CNTN5: variants seen among roughly 807,000 people sequenced by gnomAD.
CNTN5 encodes contactin 5, also known as contactin-5.
A neutral mutation model predicts 129.1 loss-of-function variants in CNTN5; 77 were observed. The observed-to-expected ratio is 0.60, with a 90% CI of 0.50 to 0.72. The LOEUF is 0.72. Among genes scored for constraint, CNTN5 ranks in the 30% least tolerant of loss-of-function variants. The probability of loss-of-function intolerance (pLI) is 0.00; values close to 1 mark genes in which losing one functional copy is unlikely to be tolerated. For missense variants in CNTN5, 1,478 were observed against 1,328.8 expected (o/e 1.11, Z -1.75); for synonymous variants, 509 against 465.6 (o/e 1.09, Z -1.20).
chr11:100,268,121 C>A (rs539460410), intron 17 of CNTN5, among the ~76,000 whole-genome samples: 1 of 152,028 alleles, frequency 6.6e-6, no homozygotes, highest in African/African-American at 2.4e-5. Context: ...CATGGAGAAG[C>A]CTGAGAAACC....
intron 2 of CNTN5, among the ~76,000 whole-genome samples, chr11:99,434,153 A>T (rs1434224275): frequency 6.6e-6 from 1 of 152,182 alleles, no homozygotes; most frequent in African/African-American, 2.4e-5. Context: ...TCATTAAAGA[A>T]AGAAGCAAGA....
At chr11:99,467,351 A>G (rs1018009573) in intron 2 of CNTN5, among the ~76,000 whole-genome samples, 24 of 152,102 alleles carry the variant, frequency 1.6e-4, no homozygotes, top group Non-Finnish European at 2.8e-4. Flanking sequence ...ACTTTCATTC[A>G]TTTGGAATTT....
At chr11:99,553,892 T>C (rs1037635963) in intron 2 of CNTN5, among the ~76,000 whole-genome samples, 1 of 151,830 alleles carries the variant, frequency 6.6e-6, no homozygotes, top group East Asian at 1.9e-4. Context: ...TTAAGAAATA[T>C]TATGTTGTGT....
At position 99,750,485 on chromosome 11, in the gene CNTN5, A is replaced by C. The variant is rs527555074; in HGVS notation, c.56-69059A>C. ...ATGAATTCCAGGAATAATGTGTTTA[A>C]AGTTTAAGAAATTTGAATATGTTCC... On this transcript the variant is annotated intron_variant, in intron 3 of 24. Transcript: ENST00000524871. Among the ~76,000 whole-genome samples, 6 of 152,168 alleles carry C rather than the reference A, an allele frequency of 3.9e-5. No individual in the cohort carries two copies. In the South Asian group the frequency reaches 1.2e-3, roughly 32 times the overall value.
intron 2 of CNTN5, among the ~76,000 whole-genome samples, chr11:99,440,848 G>C (rs1488065138): frequency 6.6e-6 from 1 of 152,108 alleles, no homozygotes; most frequent in Admixed American, 6.5e-5. Flanking sequence ...TAAATTGCAA[G>C]GGAAGCTGGG....
chr11:99,343,940 C>A (rs1350973589), intron 2 of CNTN5, among the ~76,000 whole-genome samples: 1 of 152,138 alleles, frequency 6.6e-6, no homozygotes, highest in Non-Finnish European at 1.5e-5. Flanking sequence ...CATAAAATGT[C>A]ATTTCAAGAA....
chr11:99,662,040 A>G (rs560905893), intron 3 of CNTN5, among the ~76,000 whole-genome samples: 1 of 152,296 alleles, frequency 6.6e-6, no homozygotes, highest in South Asian at 2.1e-4. Flanking sequence ...ACAAGTCTAT[A>G]GGAATTATCC....
intron 6 of CNTN5, among the ~76,000 whole-genome samples, chr11:99,915,833 AAAAAT>A (rs1358586133): frequency 1.3e-5 from 2 of 152,202 alleles, no homozygotes; most frequent in Admixed American, 1.3e-4. Context: ...GACTGTAAAT[AAAAAT>A]AAAGAGTGTG....
intron 13 of CNTN5, among the ~76,000 whole-genome samples, chr11:100,082,070 C>A (rs561179519): frequency 6.6e-6 from 1 of 151,984 alleles, no homozygotes; most frequent in Admixed American, 6.6e-5. Context: ...AGATGTCAAG[C>A]AAATATAAAA....
chr11:99,559,972 G>T (rs907815218), intron 3 of CNTN5, among the ~76,000 whole-genome samples: 1 of 152,092 alleles, frequency 6.6e-6, no homozygotes, highest in South Asian at 2.1e-4. Flanking sequence ...CATGCTATAT[G>T]ATTTTCTTTA....
At chr11:100,122,583 A>C (rs577728428) in intron 13 of CNTN5, among the ~76,000 whole-genome samples, 1 of 152,196 alleles carries the variant, frequency 6.6e-6, no homozygotes, top group Non-Finnish European at 1.5e-5. Context: ...CATAGATCTG[A>C]GTAAAATGAA....
intron 6 of CNTN5, among the ~76,000 whole-genome samples, chr11:99,879,150 C>T (rs1038205840): frequency 1.4e-4 from 21 of 151,930 alleles, no homozygotes; most frequent in African/African-American, 5.1e-4. Flanking sequence ...GTTGGCCGGG[C>T]TGGTCTCGAA....
intron 3 of CNTN5, among the ~76,000 whole-genome samples, chr11:99,780,433 G>A (rs1204376883): frequency 6.6e-6 from 1 of 151,886 alleles, no homozygotes; most frequent in Non-Finnish European, 1.5e-5. Context: ...ACATTATAAC[G>A]ACACTTTAAA....
At chr11:99,330,772 T>C (rs2136025103) in intron 2 of CNTN5, among the ~76,000 whole-genome samples, 1 of 152,262 alleles carries the variant, frequency 6.6e-6, no homozygotes, top group Admixed American at 6.6e-5. Flanking sequence ...CTCTCAGTCA[T>C]TTTAAGATTT....
chr11:100,233,270 T>A (rs1025283935), intron 16 of CNTN5, among the ~76,000 whole-genome samples: 8 of 151,156 alleles, frequency 5.3e-5, no homozygotes, highest in Admixed American at 1.3e-4. Context: ...AAGAGAGAGG[T>A]AGGGAAAGAG....
intron 7 of CNTN5, among the ~76,000 whole-genome samples, chr11:99,948,756 G>A (rs1362177256): frequency 1.3e-5 from 2 of 152,154 alleles, no homozygotes; most frequent in Non-Finnish European, 2.9e-5. Context: ...CACATTCTAA[G>A]TGTGGTACAC....
chr11:100,069,495 C>G (rs942110081), intron 10 of CNTN5, among the ~76,000 whole-genome samples: 3 of 152,052 alleles, frequency 2.0e-5, no homozygotes, highest in Non-Finnish European at 4.4e-5. Context: ...ACATGCTCTC[C>G]TCTTCCTTGG....
At chr11:100,032,718 G>T (rs1941783271) in intron 9 of CNTN5, among the ~76,000 whole-genome samples, 1 of 151,962 alleles carries the variant, frequency 6.6e-6, no homozygotes, top group Non-Finnish European at 1.5e-5. Context: ...GCCCACATTT[G>T]GGGGAAAGAA....
In CNTN5 at chr11:99,750,570, C is replaced by T. The variant is rs577246472; in HGVS notation, c.56-68974C>T. Among the ~76,000 whole-genome samples, 52 of 151,464 alleles carry T rather than the reference C, an allele frequency of 3.4e-4. No individual in the cohort carries two copies. In the South Asian group the frequency reaches 0.01, roughly 30 times the overall value. On this transcript the variant is annotated intron_variant, in intron 3 of 24. Transcript: ENST00000524871. Reference sequence around the variant, plus strand: ...CTAAAAAAAAAAGCTACCACTCTTACCTCCTCTGTAAGGGGAAAAAAAAAA... The same window carrying T: ...CTAAAAAAAAAAGCTACCACTCTTATCTCCTCTGTAAGGGGAAAAAAAAAA...
Sources: allele counts gnomAD v4.1 joint callset (sites outside exome capture counted in the v4.1 genomes callset), GRCh38; gene constraint gnomAD v4.1.1; transcripts MANE v1.5; gene names NCBI Gene and HGNC (gene_info 2026-07-23, HGNC 2026-07-21).